MRPS27: variants seen among roughly 807,000 people sequenced by gnomAD.
MRPS27 encodes the protein mitochondrial ribosomal protein S27, also known as small ribosomal subunit protein mS27.
A neutral mutation model predicts 48.9 loss-of-function variants in MRPS27; 43 were observed. The observed-to-expected ratio is 0.88, with a 90% CI of 0.69 to 1.13. The LOEUF is 1.13. Ranked by LOEUF, MRPS27 falls within the 50% of genes most tolerant of loss-of-function variation. The pLI is 0.00. For missense variants in MRPS27, 467 were observed against 476.3 expected (o/e 0.98, Z 0.18); for synonymous variants, 188 against 171.9 (o/e 1.09, Z -0.73).
intron 4 of MRPS27, among the ~76,000 whole-genome samples, chr5:72,284,668 A>T (rs188898084): frequency 2.3e-3 from 343 of 152,318 alleles, no homozygotes; most frequent in African/African-American, 7.9e-3. Context: ...GTATCATTCC[A>T]GAGATATTTT....
At chr5:72,305,744 T>C (rs966217192) in intron 2 of MRPS27, among the ~76,000 whole-genome samples, 1 of 152,226 alleles carries the variant, frequency 6.6e-6, no homozygotes, top group African/African-American at 2.4e-5. Flanking sequence ...CTCAAGGAGC[T>C]TCCCCATGAG....
intron 5 of MRPS27, among the ~76,000 whole-genome samples, chr5:72,236,355 A>G (rs10073728): frequency 0.085 from 12,877 of 152,198 alleles, 764 homozygotes; most frequent in Non-Finnish European, 0.12. Flanking sequence ...ACTAAGAGCT[A>G]GAAGAATACA....
chr5:72,258,083 CAAA>C (rs1030737219), intron 4 of MRPS27, among the ~76,000 whole-genome samples: 2 of 61,368 alleles, frequency 3.3e-5, no homozygotes. Flanking sequence ...GACTCTGTCT[CAAA>C]AAAAAAAAAA....
intron 2 of MRPS27, among the ~76,000 whole-genome samples, chr5:72,305,725 C>T (rs983546794): frequency 1.4e-4 from 21 of 152,240 alleles, no homozygotes; most frequent in Admixed American, 4.6e-4. Flanking sequence ...AAAACTTCCT[C>T]TCATGGAACT....
At chr5:72,249,090 T>C (rs1440259804) in intron 4 of MRPS27, among the ~76,000 whole-genome samples, 3 of 152,206 alleles carry the variant, frequency 2.0e-5, no homozygotes, top group Admixed American at 6.5e-5. Context: ...CAGCCTTTAG[T>C]GAACAGATAC....
chr5:72,301,795 C>T (rs1325381504), intron 2 of MRPS27, among the ~76,000 whole-genome samples: 1 of 152,244 alleles, frequency 6.6e-6, no homozygotes, highest in Non-Finnish European at 1.5e-5. Context: ...AATCACCTCA[C>T]AGTATAGCAC....
chr5:72,295,290 C>T, intron 4 of MRPS27: 2 of 366,016 alleles, frequency 5.5e-6, no homozygotes, highest in Non-Finnish European at 9.7e-6. Flanking sequence ...ACATCGTATA[C>T]AATACAAAAA....
At chr5:72,268,181 A>G (rs1749147960) in intron 4 of MRPS27, among the ~76,000 whole-genome samples, 2 of 152,060 alleles carry the variant, frequency 1.3e-5, no homozygotes, top group South Asian at 2.1e-4. Context: ...AAAAAATTAT[A>G]AGTCAAATCC....
chr5:72,248,593 T>C (rs1325022532), intron 4 of MRPS27, among the ~76,000 whole-genome samples: 1 of 146,402 alleles, frequency 6.8e-6, no homozygotes, highest in Non-Finnish European at 1.5e-5. Context: ...TAAGTATGAG[T>C]CATAGGGGAA....
At position 72,314,176 on chromosome 5, in the gene MRPS27, T is replaced by G; in HGVS notation, c.74-18A>C. 1 of 1,586,302 alleles carries G rather than the reference T, an allele frequency of 6.3e-7. No individual in the cohort carries two copies. The highest frequency in any genetic ancestry group is 8.7e-7 in the Non-Finnish European group (1 of 1,155,672). ...TCTTTTACCTGAGAAAATAGGCAATTATTTCAACACACATGGTTTTACAAG... is the reference window on the plus strand; with the variant it reads ...TCTTTTACCTGAGAAAATAGGCAATGATTTCAACACACATGGTTTTACAAG... On this transcript the variant is annotated intron_variant, in intron 1 of 10. Transcript: ENST00000261413.
In MRPS27 at chr5:72,223,841, G is replaced by A; in HGVS notation, c.847C>T (p.Leu283=). The A allele has an allele frequency of 6.2e-7, 1 of 1,613,568 alleles. No individual in the cohort carries two copies. The highest frequency in any genetic ancestry group is 8.5e-7 in the Non-Finnish European group (1 of 1,179,708). Residue 283 remains leucine, a synonymous_variant, in exon 10 of 11, where the codon CTG becomes TTG. Coordinates refer to ENST00000261413, the MANE Select transcript of MRPS27 (RefSeq NM_015084.3). ...IKLCREALDV[L]GAVLKALTSA... ...GTCAGAGCCTTCAGCACTGCACCCA[G>A]CACATCGAGCTGTGGAGCAGAAAGA...
intron 4 of MRPS27, among the ~76,000 whole-genome samples, chr5:72,258,481 A>T (rs1748872137): frequency 6.6e-6 from 1 of 152,188 alleles, no homozygotes; most frequent in South Asian, 2.1e-4. Flanking sequence ...CCAAAACTCA[A>T]GTTGAAACTT....
At chr5:72,292,208 T>G (rs1039077651) in intron 4 of MRPS27, among the ~76,000 whole-genome samples, 2 of 149,630 alleles carry the variant, frequency 1.3e-5, no homozygotes, top group East Asian at 1.9e-4. Context: ...TACCAGTTTT[T>G]TTTTTTTTTT....
chr5:72,319,257 G>T (rs1750668048), intron 1 of MRPS27, among the ~76,000 whole-genome samples: 2 of 152,248 alleles, frequency 1.3e-5, no homozygotes, highest in Admixed American at 6.5e-5. Flanking sequence ...TGCAGGCTTT[G>T]AGTGGGCTGC....
intron 4 of MRPS27, among the ~76,000 whole-genome samples, chr5:72,281,567 C>G (rs1165301699): frequency 1.3e-5 from 2 of 152,098 alleles, no homozygotes; most frequent in African/African-American, 4.8e-5. Context: ...ATGAGTGTAG[C>G]AGAATTTGGG....
chr5:72,241,622 G>A, intron 4 of MRPS27: 1 of 1,531,874 alleles, frequency 6.5e-7, no homozygotes, highest in East Asian at 2.4e-5. Context: ...TGTCAGGTGA[G>A]TGAGTCTCTG....
intron 1 of MRPS27, among the ~76,000 whole-genome samples, chr5:72,315,982 C>T (rs964548205): frequency 3.3e-5 from 5 of 152,162 alleles, no homozygotes; most frequent in African/African-American, 4.8e-5. Flanking sequence ...CCCAAATATC[C>T]ATCAATTGAT....
At chr5:72,297,543 T>A (rs772631400) in intron 3 of MRPS27, 89 bp downstream of exon 3, 14 of 760,692 alleles carry the variant, frequency 1.8e-5, no homozygotes, top group Non-Finnish European at 2.9e-5. Flanking sequence ...ATGCAAACTA[T>A]TTTTTATTTA....
chr5:72,238,132 A>G lies in MRPS27; in HGVS notation c.282-4T>C. The G allele has an allele frequency of 6.2e-7, 1 of 1,603,766 alleles. No homozygotes were observed. The highest frequency in any genetic ancestry group is 1.7e-5 in the Admixed American group (1 of 59,890). ...GCAGTTGGGGCTGTGTCGAAACCTA[A>G]ATAAGCACAAGAAGAGAGAAAACTG... On this transcript the variant is annotated splice_region_variant and splice_polypyrimidine_tract_variant and intron_variant, in intron 4 of 10. Transcript: ENST00000261413.
Sources: allele counts gnomAD v4.1 joint callset (sites outside exome capture counted in the v4.1 genomes callset), GRCh38; gene constraint gnomAD v4.1.1; transcripts MANE v1.5; gene names NCBI Gene and HGNC (gene_info 2026-07-23, HGNC 2026-07-21).